Variants in ATP6V1A observed in about 807,000 individuals in gnomAD.
ATP6V1A encodes the protein ATPase H+ transporting V1 subunit A.
ATP6V1A carries 18 observed loss-of-function variants against 70.1 expected under a neutral mutation model. The observed-to-expected ratio is 0.26, with a 90% CI of 0.18 to 0.38. ATP6V1A has a LOEUF of 0.38. Ranked by LOEUF, ATP6V1A falls within the 10% of genes least tolerant of loss-of-function variation. The probability of loss-of-function intolerance (pLI) is 1.00; values close to 1 mark genes in which losing one functional copy is unlikely to be tolerated. For synonymous variants in ATP6V1A, 232 were observed against 253.8 expected (o/e 0.91, Z 0.82); for missense variants, 424 against 772.4 (o/e 0.55, Z 5.35).
intron 10 of ATP6V1A, 87 bp downstream of exon 10, chr3:113,795,291 G>A: frequency 7.2e-7 from 1 of 1,396,904 alleles, no homozygotes; most frequent in Non-Finnish European, 9.7e-7. Context: ...TTTAAAGAGA[G>A]AATATTTAGC....
At chr3:113,754,637 G>A (rs1708626596) in intron 1 of ATP6V1A, among the ~76,000 whole-genome samples, 1 of 152,104 alleles carries the variant, frequency 6.6e-6, no homozygotes, top group African/African-American at 2.4e-5. Context: ...TGGATAGTCA[G>A]TGCTATCGAC....
chr3:113,807,174 CTTTTTTTTTCTTTTT>C (rs1404787963), intron 14 of ATP6V1A, among the ~76,000 whole-genome samples: 1 of 131,114 alleles, frequency 7.6e-6, no homozygotes, highest in Non-Finnish European at 1.6e-5. Context: ...AATTCTTTTT[CTTTTTTTTTCTTTTT>C]TTTTTTTTGA....
intron 5 of ATP6V1A, among the ~76,000 whole-genome samples, 160 bp downstream of exon 5, chr3:113,784,993 G>C (rs986944205): frequency 3.6e-4 from 55 of 152,058 alleles, no homozygotes; most frequent in Admixed American, 3.5e-3. Flanking sequence ...TTTTTAACTT[G>C]GATTTAGGGA....
chr3:113,768,344 G>A (rs1042347862), intron 1 of ATP6V1A, among the ~76,000 whole-genome samples: 2 of 151,966 alleles, frequency 1.3e-5, no homozygotes, highest in African/African-American at 2.4e-5. Context: ...TTTTTAAAAA[G>A]CACTATGAAA....
intron 1 of ATP6V1A, among the ~76,000 whole-genome samples, chr3:113,748,005 T>G (rs982544666): frequency 6.6e-6 from 1 of 152,234 alleles, no homozygotes; most frequent in African/African-American, 2.4e-5. Context: ...ACATGTTTTC[T>G]GCCGTCAATC....
At chr3:113,803,369 C>G (rs1249286030) in intron 12 of ATP6V1A, 1 of 520,080 alleles carries the variant, frequency 1.9e-6, no homozygotes, top group Non-Finnish European at 3.5e-6. Context: ...CACTGTTACA[C>G]TGTATAATTA....
At chr3:113,795,820 A>T in intron 10 of ATP6V1A, 56 bp from the exon 11 acceptor site, 1 of 1,351,014 alleles carries the variant, frequency 7.4e-7, no homozygotes, top group Middle Eastern at 1.8e-4. Flanking sequence ...GTTATTTTTC[A>T]TAAGCATTTC....
At chr3:113,795,839 A>G (rs1330564598) in intron 10 of ATP6V1A, 37 bp from the exon 11 acceptor site, 7 of 1,520,296 alleles carry the variant, frequency 4.6e-6, no homozygotes, top group Non-Finnish European at 6.3e-6. Flanking sequence ...TCTAATGACC[A>G]TTTTTTTTGT....
At chr3:113,759,591 CTAATT>C (rs1484677096) in intron 1 of ATP6V1A, among the ~76,000 whole-genome samples, 1 of 151,730 alleles carries the variant, frequency 6.6e-6, no homozygotes, top group Non-Finnish European at 1.5e-5. Context: ...TAAATTGAAT[CTAATT>C]TAATATTTTC....
chr3:113,800,944 C>T (rs556450995), intron 12 of ATP6V1A, among the ~76,000 whole-genome samples: 3 of 152,082 alleles, frequency 2.0e-5, no homozygotes, highest in Admixed American at 6.6e-5. Flanking sequence ...GGCTTGACTC[C>T]AGGAGTTCAA....
chr3:113,797,282 C>A (rs1709163326), intron 11 of ATP6V1A, among the ~76,000 whole-genome samples: 1 of 146,052 alleles, frequency 6.8e-6, no homozygotes, highest in Non-Finnish European at 1.5e-5. Flanking sequence ...GATGGAATCT[C>A]ACCCCCATCA....
At chr3:113,803,082 A>C (rs1375649145) in intron 12 of ATP6V1A, among the ~76,000 whole-genome samples, 1 of 152,246 alleles carries the variant, frequency 6.6e-6, no homozygotes, top group Non-Finnish European at 1.5e-5. Context: ...GATATTATTC[A>C]GCCTTAAAAA....
intron 1 of ATP6V1A, among the ~76,000 whole-genome samples, chr3:113,751,373 A>G (rs140551384): frequency 5.3e-4 from 80 of 151,954 alleles, no homozygotes; most frequent in African/African-American, 1.8e-3. Flanking sequence ...AGCTATCATG[A>G]GTTTATGAAT....
At chr3:113,785,489 TTC>T (rs1709027885) in intron 5 of ATP6V1A, among the ~76,000 whole-genome samples, 1 of 148,830 alleles carries the variant, frequency 6.7e-6, no homozygotes, top group Admixed American at 6.8e-5. Context: ...ATTATTTGAA[TTC>T]TCTTTTTTTC....
intron 2 of ATP6V1A, among the ~76,000 whole-genome samples, chr3:113,779,993 G>A (rs1189915564): frequency 6.6e-6 from 1 of 152,048 alleles, no homozygotes; most frequent in Non-Finnish European, 1.5e-5. Flanking sequence ...ACGTGCGTTA[G>A]GTATTTGTCC....
rs1255807369 is a variant in ATP6V1A at position 113,809,612 on chromosome 3, C to A, written c.*185C>A. 2.0e-6 allele frequency: 1 copy of A among 499,522 alleles called. No individual in the cohort carries two copies. Among genetic ancestry groups the A allele is most frequent in the Non-Finnish European group, 3.7e-6 (1 of 272,830 alleles). 30.9% of individuals were successfully genotyped at this position (499,522 alleles called of 1,614,324 possible). On this transcript the variant is annotated 3_prime_UTR_variant, in exon 15 of 15. Coordinates refer to ENST00000273398, the MANE Select transcript of ATP6V1A (RefSeq NM_001690.4). ...TATATAAAACAAACATTCCTTTGTT[C>A]TAGTGTTGTGAAGGGCCTCCCTCTT...
At chr3:113,747,248 A>C (rs1708533616) in intron 1 of ATP6V1A, 135 bp downstream of exon 1, 1 of 152,266 alleles carries the variant, frequency 6.6e-6, no homozygotes, top group South Asian at 2.1e-4. Flanking sequence ...TGCACCGGCA[A>C]GGAGCTCATT....
At chr3:113,802,484 A>G (rs997466793) in intron 12 of ATP6V1A, among the ~76,000 whole-genome samples, 28 of 151,626 alleles carry the variant, frequency 1.8e-4, no homozygotes, top group African/African-American at 6.5e-4. Flanking sequence ...GCGCCCTACC[A>G]CACCTAGCTA....
chr3:113,782,583 TAC>T (rs1424284312), intron 3 of ATP6V1A, among the ~76,000 whole-genome samples: 1 of 146,168 alleles, frequency 6.8e-6, no homozygotes, highest in Admixed American at 6.9e-5. Context: ...CGTATATATA[TAC>T]ACATATATAT....
Sources: allele counts gnomAD v4.1 joint callset (sites outside exome capture counted in the v4.1 genomes callset), GRCh38; gene constraint gnomAD v4.1.1; transcripts MANE v1.5; gene names NCBI Gene and HGNC (gene_info 2026-07-23, HGNC 2026-07-21).